Variants in ASIC2 observed in about 807,000 individuals in gnomAD.
ASIC2 encodes acid sensing ion channel subunit 2.
Under a neutral mutation model 57.3 loss-of-function variants are expected in ASIC2, and 25 were observed. The ratio of observed to expected loss-of-function variants is 0.44; its 90% confidence interval spans 0.32 to 0.61. The LOEUF is 0.61. Among genes scored for constraint, ASIC2 ranks in the 20% least tolerant of loss-of-function variants. The pLI, the probability that ASIC2 is intolerant of heterozygous loss-of-function variation, is 0.06. For synonymous variants in ASIC2, 319 were observed against 307.5 expected, an observed-to-expected ratio of 1.04 and a Z score of -0.39; for missense variants, 641 against 738.1, an observed-to-expected ratio of 0.87 and a Z score of 1.52.
At chr17:33,812,661 C>A (rs955604545) in intron 1 of ASIC2, among the ~76,000 whole-genome samples, 5 of 152,014 alleles carry the variant, frequency 3.3e-5, no homozygotes, top group African/African-American at 1.2e-4. Context: ...GAGGCTGAGG[C>A]GAGCATCAGA....
intron 1 of ASIC2, among the ~76,000 whole-genome samples, chr17:33,729,352 G>T (rs896597157): frequency 2.0e-5 from 3 of 152,110 alleles, no homozygotes; most frequent in African/African-American, 7.2e-5. Context: ...GCACCAAGCT[G>T]GTGCCTTCCA....
intron 1 of ASIC2, among the ~76,000 whole-genome samples, chr17:33,251,667 C>T (rs915376713): frequency 6.6e-6 from 1 of 152,076 alleles, no homozygotes; most frequent in Non-Finnish European, 1.5e-5. Flanking sequence ...AACTTTTAGA[C>T]CAATGTAATG....
chr17:33,942,758 G>A (rs1176226182), intron 1 of ASIC2, among the ~76,000 whole-genome samples: 2 of 152,182 alleles, frequency 1.3e-5, no homozygotes, highest in African/African-American at 4.8e-5. Context: ...AAGTTGAACA[G>A]CAAGGGCTGT....
intron 1 of ASIC2, among the ~76,000 whole-genome samples, chr17:33,759,416 C>T (rs138055560): frequency 8.1e-4 from 124 of 152,246 alleles, no homozygotes; most frequent in African/African-American, 2.6e-3. Context: ...ATTGGAAAAA[C>T]GTACAGCCTG....
intron 1 of ASIC2, among the ~76,000 whole-genome samples, chr17:33,191,126 T>C (rs1906401569): frequency 6.6e-6 from 1 of 152,094 alleles, no homozygotes; most frequent in Non-Finnish European, 1.5e-5. Flanking sequence ...ACCTACACAA[T>C]AGAAATATGT....
chr17:33,938,387 G>A lies in ASIC2; in HGVS notation c.555+217591C>T, dbSNP rs375984133. On this transcript the variant is annotated intron_variant, in intron 1 of 9. Transcript: ENST00000359872. Reference sequence around the variant, plus strand: ...CTGTTTCCACCATGGCTAGACTCTGGTGACAGTCCATTTAGCTGGTGAGGG... The same window carrying A: ...CTGTTTCCACCATGGCTAGACTCTGATGACAGTCCATTTAGCTGGTGAGGG... 2.0e-4 allele frequency among the ~76,000 whole-genome samples: 31 copies of A among 152,264 alleles called. No individual in the cohort carries two copies. The East Asian group carries it at 2.5e-3, about 12-fold the overall frequency.
chr17:33,651,550 T>A (rs1374890230), intron 1 of ASIC2, among the ~76,000 whole-genome samples: 1 of 152,240 alleles, frequency 6.6e-6, no homozygotes, highest in African/African-American at 2.4e-5. Context: ...GCAGCTGGAA[T>A]GACACTTCCT....
At chr17:33,778,260 GT>G (rs1244862022) in intron 1 of ASIC2, among the ~76,000 whole-genome samples, 2 of 152,234 alleles carry the variant, frequency 1.3e-5, no homozygotes, top group Admixed American at 1.3e-4. Context: ...AAGCATGAGT[GT>G]AAAAAAGAAA....
intron 1 of ASIC2, among the ~76,000 whole-genome samples, chr17:33,628,294 T>C (rs78441324): frequency 7.1e-6 from 1 of 141,232 alleles, no homozygotes; most frequent in Non-Finnish European, 1.5e-5. Flanking sequence ...CTGTCTGGTC[T>C]TTTTTTTTTT....
At chr17:34,090,857 C>T (rs920050234) in intron 1 of ASIC2, among the ~76,000 whole-genome samples, 8 of 152,294 alleles carry the variant, frequency 5.3e-5, no homozygotes, top group African/African-American at 1.9e-4. Context: ...TTATCCATGC[C>T]CACTTCTGCC....
At position 33,576,202 on chromosome 17, in the gene ASIC2, G is replaced by A. The variant is rs73984024; in HGVS notation, c.556-464135C>T. Among the ~76,000 whole-genome samples, 296 of 152,276 alleles carry A rather than the reference G, an allele frequency of 1.9e-3. 2 individuals are homozygous for A. The highest frequency in any genetic ancestry group is 6.5e-3 in the African/African-American group (270 of 41,558). ...CATTCTGCCCCAGACTGTTGTGCATGACTAGATCGTGCCCCTGATTCCTTG... is the reference window on the plus strand; with the variant it reads ...CATTCTGCCCCAGACTGTTGTGCATAACTAGATCGTGCCCCTGATTCCTTG... On this transcript the variant is annotated intron_variant, in intron 1 of 9. Coordinates refer to the ASIC2 transcript ENST00000359872.
intron 1 of ASIC2, among the ~76,000 whole-genome samples, chr17:33,607,305 G>C (rs75204982): frequency 0.032 from 4,832 of 152,204 alleles, 123 homozygotes; most frequent in Non-Finnish European, 0.05. Context: ...AATAAATCGG[G>C]AAGAAACATC....
At position 33,464,697 on chromosome 17, in the gene ASIC2, A is replaced by ATGTATT. The variant is rs1555536104; in HGVS notation, c.556-352631_556-352630insAATACA. On this transcript the variant is annotated intron_variant, in intron 1 of 9. Coordinates refer to the ASIC2 transcript ENST00000359872. Reference sequence around the variant, plus strand: ...TCTCTCTCTCTCTCTCTATATATATATATATATGTATATATATGTATATAA... The same window carrying ATGTATT: ...TCTCTCTCTCTCTCTCTATATATATATGTATTTATATATGTATATATATGTATATAA... 3.6e-5 allele frequency among the ~76,000 whole-genome samples: 5 copies of ATGTATT among 137,186 alleles called. No homozygotes were observed. In the East Asian group the frequency reaches 1.0e-3, roughly 28 times the overall value. 90.0% of individuals were successfully genotyped at this position (137,186 alleles called of 152,430 possible). A position where few individuals can be genotyped will look rare whatever the true frequency, so the allele number is the denominator to read the frequency against.
At chr17:34,023,999 A>C (rs930397528) in intron 1 of ASIC2, among the ~76,000 whole-genome samples, 1 of 152,236 alleles carries the variant, frequency 6.6e-6, no homozygotes, top group Non-Finnish European at 1.5e-5. Flanking sequence ...CTCATTCCAC[A>C]GATAAAGAAA....
rs115859521 is a variant in ASIC2 at position 33,360,696 on chromosome 17, C to G, written c.556-248629G>C. ...CACAATTCTTTGTTTATTTCTTTCT[C>G]ACACTGGCTCATTGGTTGGGCCCCA... is the stretch of plus-strand genomic sequence containing the variant. On this transcript the variant is annotated intron_variant, in intron 1 of 9. Transcript: ENST00000359872. Among the ~76,000 whole-genome samples the G allele has an allele frequency of 1.3e-3, 195 of 152,312 alleles. 1 individual carries two copies. The highest frequency in any genetic ancestry group is 4.5e-3 in the African/African-American group (188 of 41,574).
intron 1 of ASIC2, among the ~76,000 whole-genome samples, chr17:33,369,885 C>T (rs1597702436): frequency 6.6e-6 from 1 of 152,156 alleles, no homozygotes; most frequent in East Asian, 1.9e-4. Context: ...GTATTTGGGT[C>T]TCATGGAAGG....
chr17:33,360,671 C>T (rs1450779297), intron 1 of ASIC2, among the ~76,000 whole-genome samples: 1 of 152,214 alleles, frequency 6.6e-6, no homozygotes, highest in Non-Finnish European at 1.5e-5. Flanking sequence ...TTGGCCATTT[C>T]ACAATTCTTT....
At chr17:34,100,188 T>TG (rs1221788570) in intron 1 of ASIC2, among the ~76,000 whole-genome samples, 1 of 150,742 alleles carries the variant, frequency 6.6e-6, no homozygotes, top group Non-Finnish European at 1.5e-5. Context: ...TTTCTTGTTT[T>TG]TTTTTTTTTT....
At chr17:34,026,634 G>A (rs565825518) in intron 1 of ASIC2, among the ~76,000 whole-genome samples, 6 of 152,150 alleles carry the variant, frequency 3.9e-5, no homozygotes, top group Non-Finnish European at 5.9e-5. Flanking sequence ...TAATAAAAAC[G>A]TTCTTTCTGC....
Sources: gnomAD v4.1 joint callset for allele counts (sites outside exome capture counted in the v4.1 genomes callset) on GRCh38, gnomAD v4.1.1 for gene constraint, MANE v1.5 for transcripts, NCBI Gene and HGNC (gene_info 2026-07-23, HGNC 2026-07-21) for gene names.